Variants in SYT6 observed in about 807,000 individuals in gnomAD.
The protein encoded by SYT6 is synaptotagmin-6.
A neutral mutation model predicts 38.4 loss-of-function variants in SYT6; 24 were observed. The ratio of observed to expected loss-of-function variants is 0.62; its 90% confidence interval spans 0.45 to 0.88. The LOEUF (loss-of-function observed/expected upper bound fraction) is 0.88, where lower values mean the gene tolerates loss of function less well. SYT6 is among the 40% of genes least tolerant of loss of function. SYT6 has a pLI of 0.00. For synonymous variants in SYT6, 265 were observed against 241.9 expected, an observed-to-expected ratio of 1.10 and a Z score of -0.89; for missense variants, 611 against 621.0, an observed-to-expected ratio of 0.98 and a Z score of 0.17.
intron 7 of SYT6, among the ~76,000 whole-genome samples, chr1:114,093,351 G>A (rs1255862178): frequency 5.3e-5 from 8 of 152,154 alleles, no homozygotes; most frequent in Non-Finnish European, 8.8e-5. Context: ...CTCTGGGCTC[G>A]GTTCTTCATG....
In SYT6 at chr1:114,139,712, G is replaced by A; in HGVS notation, c.415C>T (p.Pro139Ser). ...ATCTGCACCTCAGCTGGGATATCTG[G>A]GGACGTGTGGCTGATCTTCACGGCC... Reference protein sequence around the residue: ...EAAVKISHTSPDIPAEVQMSV... With the variant: ...EAAVKISHTSSDIPAEVQMSV... Residue 139 changes from proline to serine, a missense_variant, in exon 2 of 8, where the codon CCA becomes TCA. Physicochemically the swap from Pro to Ser is moderately conservative, Grantham distance 74. Coordinates refer to ENST00000610222, the MANE Select transcript of SYT6 (RefSeq NM_001253772.2). 5 of 1,614,164 alleles carry A rather than the reference G, an allele frequency of 3.1e-6. No homozygotes were observed. The highest frequency in any genetic ancestry group is 4.2e-6 in the Non-Finnish European group (5 of 1,180,028).
chr1:114,120,305 T>C (rs1677311867), intron 3 of SYT6, among the ~76,000 whole-genome samples: 1 of 152,188 alleles, frequency 6.6e-6, no homozygotes, highest in South Asian at 2.1e-4. Context: ...TAGCTTAGTG[T>C]TTCCTAAGCC....
At chr1:114,114,836 G>T (rs1164423311) in intron 3 of SYT6, among the ~76,000 whole-genome samples, 2 of 152,160 alleles carry the variant, frequency 1.3e-5, no homozygotes, top group African/African-American at 4.8e-5. Flanking sequence ...AAAAGTTAAG[G>T]CATAAAAGGC....
chr1:114,137,893 C>T lies in SYT6; in HGVS notation c.673G>A (p.Glu225Lys), dbSNP rs754562664. ...KSVDGEDAKS[E>K]ATKSCGKINF... Reference sequence around the variant, plus strand: ...ATCTTCCCGCAGCTCTTGGTGGCCTCAGACTTGGCATCCTCCCCATCCACC... The same window carrying T: ...ATCTTCCCGCAGCTCTTGGTGGCCTTAGACTTGGCATCCTCCCCATCCACC... Residue 225 changes from glutamate (E) to lysine (K), a missense_variant, in exon 3 of 8, where the codon GAG (glutamate) becomes AAG (lysine). Glu to Lys is a moderately conservative substitution (Grantham distance 56). Coordinates refer to ENST00000610222, the MANE Select transcript of SYT6 (RefSeq NM_001253772.2). 2 of 1,614,116 alleles carry T rather than the reference C, an allele frequency of 1.2e-6. No homozygotes were observed. The highest frequency in any genetic ancestry group is 1.1e-5 in the South Asian group (1 of 91,046).
At chr1:114,116,705 C>T (rs552581) in intron 3 of SYT6, among the ~76,000 whole-genome samples, 71,814 of 151,954 alleles carry the variant, frequency 0.47, 17,586 homozygotes, top group African/African-American at 0.59. Context: ...AGCCAACTTA[C>T]CCAGTCCCAG....
At chr1:114,117,641 C>T (rs551156454) in intron 3 of SYT6, among the ~76,000 whole-genome samples, 108 of 152,340 alleles carry the variant, frequency 7.1e-4, no homozygotes, top group African/African-American at 2.4e-3. Flanking sequence ...TACCCAGCAG[C>T]GCCTTCAATC....
chr1:114,107,951 G>A (rs1676429418), intron 3 of SYT6, among the ~76,000 whole-genome samples: 2 of 152,224 alleles, frequency 1.3e-5, no homozygotes, highest in South Asian at 2.1e-4. Context: ...GCCCCTGACT[G>A]GTAATGAGCT....
chr1:114,102,024 A>C (rs1675998592), intron 4 of SYT6, among the ~76,000 whole-genome samples: 1 of 152,170 alleles, frequency 6.6e-6, no homozygotes, highest in African/African-American at 2.4e-5. Flanking sequence ...CAAGAACAAA[A>C]TCTCACACCC....
At chr1:114,144,180 A>T (rs1055450742) in intron 1 of SYT6, among the ~76,000 whole-genome samples, 3 of 152,214 alleles carry the variant, frequency 2.0e-5, no homozygotes, top group Admixed American at 2.0e-4. Context: ...GGGCTCCCAC[A>T]TGGTGGGAAC....
intron 3 of SYT6, among the ~76,000 whole-genome samples, chr1:114,132,751 C>T (rs1163761559): frequency 6.6e-6 from 1 of 152,136 alleles, no homozygotes; most frequent in Non-Finnish European, 1.5e-5. Flanking sequence ...GGAAGGGCAC[C>T]AGAGGAATAG....
chr1:114,092,157 C>T (rs2101613952), intron 7 of SYT6, 75 bp from the exon 8 acceptor site: 1 of 1,372,218 alleles, frequency 7.3e-7, no homozygotes, highest in South Asian at 1.3e-5. Context: ...TGAACTGGCC[C>T]AATGCACTGA....
chr1:114,101,664 C>T (rs866458409), intron 4 of SYT6, among the ~76,000 whole-genome samples: 45 of 152,296 alleles, frequency 3.0e-4, no homozygotes, highest in African/African-American at 9.4e-4. Flanking sequence ...CAATACCTAG[C>T]TTAGTCCAAC....
chr1:114,121,933 T>C (rs1400947467), intron 3 of SYT6, among the ~76,000 whole-genome samples: 1 of 152,228 alleles, frequency 6.6e-6, no homozygotes, highest in Non-Finnish European at 1.5e-5. Context: ...TGGTAGAGAT[T>C]GTTGTCCACA....
chr1:114,141,385 C>G (rs1168112139), intron 1 of SYT6, among the ~76,000 whole-genome samples: 1 of 152,236 alleles, frequency 6.6e-6, no homozygotes, highest in African/African-American at 2.4e-5. Context: ...CCCCAACATT[C>G]TCTTAAGCCA....
In SYT6 at chr1:114,137,947, T is replaced by TG. The variant is rs1678598164; in HGVS notation, c.618dup (p.Ile207HisfsTer4). 1 of 1,614,062 alleles carries TG rather than the reference T, an allele frequency of 6.2e-7. No homozygotes were observed. The highest frequency in any genetic ancestry group is 8.5e-7 in the Non-Finnish European group (1 of 1,180,016). ...TTCTGCTTGTAGAGCTCAGGCTTGA[T>TG]GCGGCCAATGCTGGTGGGCTGCTCT... On this transcript the variant is annotated frameshift_variant, in exon 3 of 8. Transcript: ENST00000610222. LOFTEE classifies it high-confidence loss of function.
intron 3 of SYT6, among the ~76,000 whole-genome samples, chr1:114,132,867 T>C (rs1320081489): frequency 6.6e-6 from 1 of 152,200 alleles, no homozygotes; most frequent in Non-Finnish European, 1.5e-5. Context: ...TTAATCCCCA[T>C]CTTGCTGATG....
At chr1:114,102,722 A>G (rs1676043159) in intron 4 of SYT6, among the ~76,000 whole-genome samples, 1 of 152,196 alleles carries the variant, frequency 6.6e-6, no homozygotes, top group African/African-American at 2.4e-5. Flanking sequence ...GCAGGAGGAC[A>G]GGGGATCTAG....
rs1465188111 is a variant in SYT6, at chr1:114,153,615, C to A, written c.158G>T (p.Gly53Val). ...GGCCCTGGGTCTCCCGTTACCTGCG[C>A]CTGCCGCGCTGGGACTCCGCTCTGG... ...QPPERSPSAA[G>V]AGTSVSLLAV... The change falls in exon 1 of 8, where the codon GGC (glycine) becomes GTC (valine). Residue 53 changes from glycine (G) to valine (V), a missense_variant. By Grantham distance (109) the Gly-to-Val change is moderately radical. Transcript: ENST00000610222. 3.3e-6 allele frequency: 2 copies of A among 599,290 alleles called. No individual in the cohort carries two copies. The highest frequency in any genetic ancestry group is 4.0e-5 in the African/African-American group (2 of 50,248). 37.1% of individuals were successfully genotyped at this position (599,290 alleles called of 1,614,324 possible). A position where few individuals can be genotyped will look rare whatever the true frequency, so the allele number is the denominator to read the frequency against.
intron 3 of SYT6, among the ~76,000 whole-genome samples, chr1:114,120,303 T>G (rs1309721620): frequency 6.6e-6 from 1 of 152,142 alleles, no homozygotes; most frequent in Non-Finnish European, 1.5e-5. Flanking sequence ...AATAGCTTAG[T>G]GTTTCCTAAG....
Sources: allele counts gnomAD v4.1 joint callset (sites outside exome capture counted in the v4.1 genomes callset), GRCh38; gene constraint gnomAD v4.1.1; transcripts MANE v1.5; gene names NCBI Gene and HGNC (gene_info 2026-07-23, HGNC 2026-07-21).